The following ZDHHC11B variants were observed in gnomAD, a reference collection of about 807,000 sequenced individuals.
ZDHHC11B encodes zDHHC palmitoyltransferase 11B (putative), also known as probable palmitoyltransferase ZDHHC11B.
ZDHHC11B carries 17 observed loss-of-function variants against 42.3 expected under a neutral mutation model. That is an observed-to-expected ratio of 0.40 (90% CI 0.27 to 0.60). ZDHHC11B has a LOEUF of 0.60. ZDHHC11B is among the 20% of genes least tolerant of loss of function. The pLI, the probability that ZDHHC11B is intolerant of heterozygous loss-of-function variation, is 0.41. For synonymous variants in ZDHHC11B, 123 were observed against 193.5 expected (o/e 0.64, Z 3.02); for missense variants, 262 against 463.2 (o/e 0.57, Z 3.99).
intron 1 of ZDHHC11B, among the ~76,000 whole-genome samples, chr5:772,935 A>T (rs1354264438): frequency 6.6e-6 from 1 of 151,924 alleles, no homozygotes; most frequent in African/African-American, 2.4e-5. Flanking sequence ...TTTTTAAAAA[A>T]GTTTTTAAAC....
intron 7 of ZDHHC11B, among the ~76,000 whole-genome samples, 160 bp from the exon 8 acceptor site, chr5:748,719 C>T (rs1413829954): frequency 7.7e-6 from 1 of 129,474 alleles, no homozygotes; most frequent in Non-Finnish European, 1.7e-5. Context: ...TACCTGAGTG[C>T]CCCATGGGCC....
intron 4 of ZDHHC11B, among the ~76,000 whole-genome samples, chr5:763,397 GAAGAAA>G (rs1268464248): frequency 1.2e-4 from 18 of 146,420 alleles, no homozygotes; most frequent in African/African-American, 4.1e-4. Context: ...AGAAGAAGAA[GAAGAAA>G]AATACAACCT....
intron 11 of ZDHHC11B, 52 bp from the exon 12 acceptor site, chr5:730,520 C>G: frequency 6.6e-7 from 1 of 1,519,544 alleles, no homozygotes; most frequent in Non-Finnish European, 8.8e-7. Context: ...ACCTTGTTGA[C>G]ATTAAACTTA....
At chr5:716,779 C>T (rs750746719) in intron 13 of ZDHHC11B, 22 bp downstream of exon 13, 6 of 1,612,854 alleles carry the variant, frequency 3.7e-6, no homozygotes, top group Non-Finnish European at 3.4e-6. Context: ...TTCAACATGA[C>T]CTGCACTGCC....
At chr5:748,150 A>G (rs145784994) in intron 8 of ZDHHC11B, 16,264 of 567,060 alleles carry the variant, frequency 0.029, 2,535 homozygotes, top group Middle Eastern at 0.034. Flanking sequence ...TGCAGGTCTC[A>G]GCGTTGAGTT....
At chr5:767,314 A>G in intron 3 of ZDHHC11B, 78 bp downstream of exon 3, 3 of 1,477,386 alleles carry the variant, frequency 2.0e-6, no homozygotes, top group Admixed American at 3.5e-5. Context: ...ACCCACACAC[A>G]TGTGGGGCTC....
At chr5:762,547 C>A (rs2150206672) in intron 4 of ZDHHC11B, among the ~76,000 whole-genome samples, 1 of 151,824 alleles carries the variant, frequency 6.6e-6, no homozygotes, top group African/African-American at 2.4e-5. Flanking sequence ...AGAGACTGAG[C>A]CCCAAATCCC....
chr5:762,842 A>T (rs1459171053), intron 4 of ZDHHC11B, among the ~76,000 whole-genome samples: 1 of 151,758 alleles, frequency 6.6e-6, no homozygotes, highest in Non-Finnish European at 1.5e-5. Flanking sequence ...AAACAGGCAA[A>T]CAATAGAGAA....
chr5:720,515 A>C (rs1055179690), intron 12 of ZDHHC11B, among the ~76,000 whole-genome samples: 9 of 151,820 alleles, frequency 5.9e-5, no homozygotes, highest in Admixed American at 2.0e-4. Flanking sequence ...ACTACCCTAA[A>C]AGAAATGTTA....
At chr5:731,788 A>G (rs1466871894) in intron 11 of ZDHHC11B, among the ~76,000 whole-genome samples, 1 of 151,838 alleles carries the variant, frequency 6.6e-6, no homozygotes, top group Non-Finnish European at 1.5e-5. Context: ...CTCCGGAGAT[A>G]TTCTAGGATT....
chr5:722,527 T>C (rs1228021724), intron 12 of ZDHHC11B, among the ~76,000 whole-genome samples: 7 of 151,556 alleles, frequency 4.6e-5, no homozygotes, highest in African/African-American at 1.7e-4. Context: ...CAATTCCAAG[T>C]GTTGGAGAGG....
intron 3 of ZDHHC11B, 145 bp from the exon 4 acceptor site, chr5:767,064 G>C: frequency 9.4e-7 from 1 of 1,068,544 alleles, no homozygotes; most frequent in Non-Finnish European, 1.4e-6. Context: ...CTGGGGCCAC[G>C]TTCCCCGCAG....
chr5:737,387 A>T (rs1355036414), intron 10 of ZDHHC11B, among the ~76,000 whole-genome samples: 1 of 149,436 alleles, frequency 6.7e-6, no homozygotes. Context: ...CCAAAGAAGG[A>T]CTGGTACCTA....
chr5:749,468 C>T lies in ZDHHC11B; in HGVS notation c.629-909G>A, dbSNP rs1340864829. On this transcript the variant is annotated intron_variant, in intron 7 of 13. Coordinates refer to ENST00000508859, the MANE Select transcript of ZDHHC11B (RefSeq NM_001351303.2). ...TGGAACTGGCGGCCTTGGGGGCCTT[C>T]CTAGATGGCCCGACGGGACAGTAGC... 6.1e-4 allele frequency among the ~76,000 whole-genome samples: 79 copies of T among 130,020 alleles called. No individual in the cohort carries two copies. The Middle Eastern group carries it at 0.016, about 26-fold the overall frequency. The allele number at this position is 130,020 out of a possible 152,430, so 85.3% of individuals were successfully genotyped here. A position where few individuals can be genotyped will look rare whatever the true frequency, so the allele number is the denominator to read the frequency against.
At chr5:758,541 C>A (rs1257421083) in intron 4 of ZDHHC11B, among the ~76,000 whole-genome samples, 1 of 151,774 alleles carries the variant, frequency 6.6e-6, no homozygotes, top group South Asian at 2.1e-4. Context: ...CTGTCCTGAG[C>A]CTGAACCTGC....
chr5:745,702 G>A lies in ZDHHC11B; in HGVS notation c.785-404C>T, dbSNP rs1744721517. On this transcript the variant is annotated intron_variant, in intron 8 of 13. Transcript: ENST00000508859. ...CAGGGGTAAGAGGCCAGCTCAGGAG[G>A]GGCCGCTCTGTCTGAGGGTCCAGGT... Among the ~76,000 whole-genome samples, 8 of 150,248 alleles carry A rather than the reference G, an allele frequency of 5.3e-5. No individual in the cohort carries two copies. In the South Asian group the frequency reaches 1.8e-3, roughly 33 times the overall value.
intron 12 of ZDHHC11B, among the ~76,000 whole-genome samples, chr5:719,067 C>T (rs182524318): frequency 6.6e-6 from 1 of 151,904 alleles, no homozygotes; most frequent in Admixed American, 6.6e-5. Flanking sequence ...AGTTCACTAA[C>T]TGGTCATAGA....
At chr5:722,574 G>A (rs1200351793) in intron 12 of ZDHHC11B, among the ~76,000 whole-genome samples, 3 of 151,660 alleles carry the variant, frequency 2.0e-5, no homozygotes, top group Non-Finnish European at 4.4e-5. Context: ...CCTGCTGTGA[G>A]AGTGTAACAT....
In ZDHHC11B at chr5:764,263, C is replaced by T. The variant is rs564204900; in HGVS notation, c.222+2435G>A. ...CCCTCGCTCACTCTCGGCACCTCCT[C>T]GGCCTCGGTGCCCACTCTGGCCACA... On this transcript the variant is annotated intron_variant, in intron 4 of 13. Transcript: ENST00000508859. 3.6e-3 allele frequency among the ~76,000 whole-genome samples: 545 copies of T among 151,632 alleles called. 4 individuals are homozygous for T. Among genetic ancestry groups the T allele is most frequent in the African/African-American group, 0.012 (496 of 41,072 alleles).
Sources: gnomAD v4.1 joint callset for allele counts (sites outside exome capture counted in the v4.1 genomes callset) on GRCh38, gnomAD v4.1.1 for gene constraint, MANE v1.5 for transcripts, NCBI Gene and HGNC (gene_info 2026-07-23, HGNC 2026-07-21) for gene names.